Variants in SLC20A2 observed in about 807,000 individuals in gnomAD.
The protein encoded by SLC20A2 is sodium-dependent phosphate transporter 2.
In SLC20A2, 30 loss-of-function variants were observed where a neutral mutation model predicts 61.0. The observed-to-expected ratio is 0.49, with a 90% CI of 0.37 to 0.67. SLC20A2 has a LOEUF of 0.67. SLC20A2 is among the 30% of genes least tolerant of loss of function. The probability of loss-of-function intolerance (pLI) is 0.00; values close to 1 mark genes in which losing one functional copy is unlikely to be tolerated. For synonymous variants in SLC20A2, 351 were observed against 353.3 expected (o/e 0.99, Z 0.07); for missense variants, 626 against 866.4 (o/e 0.72, Z 3.48).
chr8:42,461,454 CTT>C (rs752764620), intron 4 of SLC20A2, among the ~76,000 whole-genome samples: 28 of 138,914 alleles, frequency 2.0e-4, no homozygotes, highest in Non-Finnish European at 2.2e-4. Flanking sequence ...TTTCAAATAT[CTT>C]TTTTTTTTTT....
At chr8:42,533,651 G>GTTGTTTT (rs1554577829) in intron 1 of SLC20A2, among the ~76,000 whole-genome samples, 1 of 89,736 alleles carries the variant, frequency 1.1e-5, no homozygotes, top group Non-Finnish European at 2.1e-5. Context: ...ATGATCAACT[G>GTTGTTTT]TTCTTTTTTT....
intron 1 of SLC20A2, chr8:42,541,060 C>G (rs1480961631): frequency 6.6e-6 from 1 of 152,206 alleles, no homozygotes; most frequent in African/African-American, 2.4e-5. Context: ...AAAAGGGACT[C>G]TATGCTCTCA....
intron 5 of SLC20A2, among the ~76,000 whole-genome samples, chr8:42,445,314 AAAAT>A (rs1424861575): frequency 2.0e-5 from 3 of 152,252 alleles, no homozygotes; most frequent in South Asian, 2.1e-4. Flanking sequence ...AAATAAAATA[AAAAT>A]AAATAAATAA....
At chr8:42,445,812 G>A (rs998306098) in intron 5 of SLC20A2, among the ~76,000 whole-genome samples, 12 of 152,150 alleles carry the variant, frequency 7.9e-5, no homozygotes, top group South Asian at 2.1e-4. Flanking sequence ...GCCCACCTGC[G>A]GCAGGAAGCT....
intron 7 of SLC20A2, among the ~76,000 whole-genome samples, chr8:42,439,051 T>C (rs999669865): frequency 3.9e-5 from 6 of 152,198 alleles, no homozygotes; most frequent in African/African-American, 1.2e-4. Context: ...TGTGATTCAA[T>C]GGTGGGACCA....
chr8:42,526,885 C>T (rs1811995643), intron 1 of SLC20A2, among the ~76,000 whole-genome samples: 1 of 151,942 alleles, frequency 6.6e-6, no homozygotes, highest in Non-Finnish European at 1.5e-5. Context: ...GGGTGGATCA[C>T]TTAAGTCCAG....
rs542828791 is a variant in SLC20A2, at chr8:42,429,436, G to A, written c.1710-594C>T. 2.0e-4 allele frequency among the ~76,000 whole-genome samples: 30 copies of A among 152,286 alleles called. No individual in the cohort carries two copies. In the South Asian group the frequency reaches 4.8e-3, roughly 24 times the overall value. ...TTTGGATCACTTCCTGAAACTCCCA[G>A]AGCCTGTAGGAAAAGGAAACTTCCC... is the stretch of plus-strand genomic sequence containing the variant. On this transcript the variant is annotated intron_variant, in intron 9 of 10. Transcript: ENST00000520262.
intron 7 of SLC20A2, among the ~76,000 whole-genome samples, chr8:42,438,480 G>C (rs1411594134): frequency 3.3e-5 from 5 of 152,104 alleles, no homozygotes; most frequent in Non-Finnish European, 7.3e-5. Flanking sequence ...TAATTTTTTA[G>C]GTGCATCTTA....
intron 1 of SLC20A2, among the ~76,000 whole-genome samples, chr8:42,498,780 A>G (rs1033286448): frequency 6.6e-5 from 10 of 151,728 alleles, no homozygotes; most frequent in Non-Finnish European, 1.3e-4. Flanking sequence ...GAGAGAGAAC[A>G]TTCTAGGGAT....
chr8:42,450,877 GA>G (rs1018707906), intron 5 of SLC20A2, among the ~76,000 whole-genome samples: 15 of 152,176 alleles, frequency 9.9e-5, no homozygotes, highest in African/African-American at 3.6e-4. Flanking sequence ...AAAATGAGGT[GA>G]ATTTAAATGA....
intron 10 of SLC20A2, among the ~76,000 whole-genome samples, chr8:42,428,455 C>A (rs1803585551): frequency 6.6e-6 from 1 of 152,252 alleles, no homozygotes; most frequent in Admixed American, 6.5e-5. Flanking sequence ...CCAGCGCACA[C>A]AGGATGCCAA....
chr8:42,447,701 T>C (rs2131073173), intron 5 of SLC20A2, among the ~76,000 whole-genome samples: 1 of 152,280 alleles, frequency 6.6e-6, no homozygotes, highest in East Asian at 1.9e-4. Context: ...TTCTTTTTTA[T>C]AATTGTAAGA....
rs1802715467 is a variant in SLC20A2 at position 42,417,075 on chromosome 8, CG to C, written c.*727del. The C allele has an allele frequency of 6.5e-6, 1 of 152,736 alleles. No homozygotes were observed. The highest frequency in any genetic ancestry group is 2.1e-4 in the South Asian group (1 of 4,834). 9.5% of individuals were successfully genotyped at this position (152,736 alleles called of 1,614,324 possible). ...GGGTGGGAGACAGACAATGTGAAAA[CG>C]TAACACTGGCCAATGATTCCCCTGC... On this transcript the variant is annotated 3_prime_UTR_variant, in exon 11 of 11. Transcript: ENST00000520262.
At chr8:42,492,220 G>A (rs1809571729) in intron 1 of SLC20A2, among the ~76,000 whole-genome samples, 1 of 152,154 alleles carries the variant, frequency 6.6e-6, no homozygotes, top group African/African-American at 2.4e-5. Flanking sequence ...GCTGGGTGTG[G>A]TAGTGGGCGC....
In SLC20A2 at chr8:42,437,512, C is replaced by T. The variant is rs369778536; in HGVS notation, c.1000G>A (p.Asp334Asn). The change falls in exon 8 of 11, where the codon GAC (aspartate) becomes AAC (asparagine). Residue 334 changes from aspartate to asparagine, a missense_variant. Transcript: ENST00000520262. This position sits in a 1 kb window ranked among gnomAD's most constrained non-coding sequence, Gnocchi z 6.4. ...SPISNGTFGF[D>N]GHTRSDGHVY... ...TGACCGTCGCTCCTGGTGTGGCCGT[C>T]GAAGCCGAAGGTGCCGTTGGAGATG... The T allele has an allele frequency of 1.9e-6, 3 of 1,613,988 alleles. No individual in the cohort carries two copies. Among genetic ancestry groups the T allele is most frequent in the Admixed American group, 1.7e-5 (1 of 60,002 alleles).
At chr8:42,538,971 G>A (rs1387966397) in intron 1 of SLC20A2, among the ~76,000 whole-genome samples, 1 of 152,110 alleles carries the variant, frequency 6.6e-6, no homozygotes, top group African/African-American at 2.4e-5. Flanking sequence ...AACGAGGTCA[G>A]GAGATCGAGA....
chr8:42,438,081 A>AAAAAAAAAAAAAAAAAC (rs1563455908), intron 7 of SLC20A2, among the ~76,000 whole-genome samples: 1 of 149,926 alleles, frequency 6.7e-6, no homozygotes, highest in Non-Finnish European at 1.5e-5. Flanking sequence ...AAAAAAAAAA[A>AAAAAAAAAAAAAAAAAC]AAAAAAAACA....
chr8:42,464,116 T>C (rs1806948678), intron 3 of SLC20A2, among the ~76,000 whole-genome samples: 2 of 99,226 alleles, frequency 2.0e-5, no homozygotes, highest in African/African-American at 7.5e-5. Flanking sequence ...TTTTTTTTTT[T>C]TTTTTTTGAG....
At chr8:42,426,776 TTTAGTGTAGG>T (rs2130946800) in intron 10 of SLC20A2, among the ~76,000 whole-genome samples, 1 of 152,284 alleles carries the variant, frequency 6.6e-6, no homozygotes, top group East Asian at 1.9e-4. Context: ...GCAGTCTTGC[TTTAGTGTAGG>T]TTAATCATTA....
Sources: gnomAD v4.1 joint callset for allele counts (sites outside exome capture counted in the v4.1 genomes callset) on GRCh38, gnomAD v4.1.1 for gene constraint, Gnocchi (gnomAD v3.1) non-coding constraint, MANE v1.5 for transcripts, NCBI Gene and HGNC (gene_info 2026-07-23, HGNC 2026-07-21) for gene names.